HEPHL1: variants seen among roughly 807,000 people sequenced by gnomAD.
HEPHL1 encodes hephaestin like 1, also known as ferroxidase HEPHL1.
Under a neutral mutation model 122.0 loss-of-function variants are expected in HEPHL1, and 123 were observed. That is an observed-to-expected ratio of 1.01 (90% CI 0.87 to 1.17). HEPHL1 has a LOEUF of 1.17. Among genes scored for constraint, HEPHL1 ranks in the 50% most tolerant of loss-of-function variants. The pLI, the probability that HEPHL1 is intolerant of heterozygous loss-of-function variation, is 0.00. For missense variants in HEPHL1, 1,452 were observed against 1,430.5 expected (o/e 1.01, Z -0.24); for synonymous variants, 527 against 508.9 (o/e 1.04, Z -0.48).
chr11:94,087,434 G>A (rs1275866090), intron 11 of HEPHL1, among the ~76,000 whole-genome samples: 1 of 152,096 alleles, frequency 6.6e-6, no homozygotes, highest in Non-Finnish European at 1.5e-5. Context: ...ATCTGTGACT[G>A]CTTAAAAGCT....
chr11:94,033,545 T>C (rs1945694150), intron 1 of HEPHL1, among the ~76,000 whole-genome samples: 1 of 151,770 alleles, frequency 6.6e-6, no homozygotes, highest in African/African-American at 2.4e-5. Flanking sequence ...TCTTCTCTCA[T>C]TGAACTCAAC....
chr11:94,027,734 C>T (rs1001909243), intron 1 of HEPHL1, among the ~76,000 whole-genome samples: 4 of 152,104 alleles, frequency 2.6e-5, no homozygotes, highest in Non-Finnish European at 2.9e-5. Context: ...CCTCATCATG[C>T]CATTTGTTTT....
chr11:94,094,461 A>G (rs975670366), intron 13 of HEPHL1, among the ~76,000 whole-genome samples: 7 of 152,130 alleles, frequency 4.6e-5, no homozygotes, highest in African/African-American at 1.4e-4. Context: ...ATAAACATAC[A>G]TGTGCATGTG....
intron 9 of HEPHL1, among the ~76,000 whole-genome samples, chr11:94,081,121 C>T (rs942432022): frequency 9.9e-5 from 15 of 152,204 alleles, no homozygotes; most frequent in Admixed American, 3.3e-4. Context: ...GCCATAAAAA[C>T]GAATGAGATC....
At chr11:94,079,710 G>A (rs1946153424) in intron 9 of HEPHL1, among the ~76,000 whole-genome samples, 1 of 152,188 alleles carries the variant, frequency 6.6e-6, no homozygotes, top group Non-Finnish European at 1.5e-5. Context: ...AAAGTGCCAG[G>A]AGGAAAGAGT....
intron 1 of HEPHL1, among the ~76,000 whole-genome samples, chr11:94,041,372 A>T (rs1945776937): frequency 1.4e-5 from 2 of 140,744 alleles, no homozygotes; most frequent in Admixed American, 7.1e-5. Flanking sequence ...GGAAAAAACT[A>T]CTTTAAAGTT....
chr11:94,099,891 A>G (rs1417811601), intron 13 of HEPHL1, among the ~76,000 whole-genome samples: 1 of 151,994 alleles, frequency 6.6e-6, no homozygotes, highest in Non-Finnish European at 1.5e-5. Flanking sequence ...GAGTGACCCG[A>G]TTTTCCAGGT....
chr11:94,090,993 T>C (rs1946260387), intron 12 of HEPHL1, among the ~76,000 whole-genome samples: 1 of 152,046 alleles, frequency 6.6e-6, no homozygotes, highest in Non-Finnish European at 1.5e-5. Context: ...TGGGAGGAAA[T>C]TTGAAAACAG....
At chr11:94,093,165 T>C (rs1363995482) in intron 12 of HEPHL1, among the ~76,000 whole-genome samples, 3 of 151,252 alleles carry the variant, frequency 2.0e-5, no homozygotes, top group African/African-American at 7.3e-5. Flanking sequence ...TGTGTAAGGT[T>C]AGATGGTCCC....
chr11:94,070,635 C>A (rs1946067722), intron 6 of HEPHL1, 93 bp downstream of exon 6: 3 of 1,051,764 alleles, frequency 2.9e-6, no homozygotes, highest in Admixed American at 2.2e-5. Flanking sequence ...AACCACTGCT[C>A]TGATGAGCTT....
At chr11:94,097,346 C>G (rs1727984044) in intron 13 of HEPHL1, among the ~76,000 whole-genome samples, 1 of 152,132 alleles carries the variant, frequency 6.6e-6, no homozygotes, top group Non-Finnish European at 1.5e-5. Flanking sequence ...TTCCTTAATC[C>G]TGAGTTCTAG....
At chr11:94,042,762 T>C (rs910553340) in intron 1 of HEPHL1, among the ~76,000 whole-genome samples, 6 of 143,218 alleles carry the variant, frequency 4.2e-5, no homozygotes, top group African/African-American at 1.5e-4. Flanking sequence ...CATTGGGAGA[T>C]ATACCTAATG....
Position 94,073,424 on chromosome 11 carries a change from G to C in HEPHL1, c.1489G>C (p.Ala497Pro). The C allele has an allele frequency of 6.4e-7, 1 of 1,554,566 alleles. No homozygotes were observed. The highest frequency in any genetic ancestry group is 1.4e-5 in the African/African-American group (1 of 73,394). The change falls in exon 8 of 20, where the codon GCC becomes CCC. Residue 497 changes from alanine (A) to proline (P), a missense_variant. Physicochemically the swap from Ala to Pro is conservative, Grantham distance 27. Coordinates refer to ENST00000315765, the MANE Select transcript of HEPHL1 (RefSeq NM_001098672.2). ...GVIYDKASDA[A>P]PNLDGFVKPG... is the part of the protein sequence containing the mutation. Reference sequence around the variant, plus strand: ...GATCTATGACAAGGCATCTGATGCAGCCCCAAACCTAGATGGTAAGTCTCA... The same window carrying C: ...GATCTATGACAAGGCATCTGATGCACCCCCAAACCTAGATGGTAAGTCTCA...
intron 17 of HEPHL1, among the ~76,000 whole-genome samples, chr11:94,109,603 C>T (rs970423530): frequency 2.0e-5 from 3 of 152,134 alleles, no homozygotes; most frequent in Non-Finnish European, 4.4e-5. Context: ...TTGAGATGAT[C>T]AGATGCTTTT....
intron 1 of HEPHL1, 41 bp from the exon 2 acceptor site, chr11:94,045,632 C>A: frequency 6.6e-7 from 1 of 1,520,036 alleles, no homozygotes; most frequent in Non-Finnish European, 8.9e-7. Flanking sequence ...TAGGTCTTCT[C>A]TTTTCATTTC....
At chr11:94,046,309 G>A (rs954252406) in intron 2 of HEPHL1, among the ~76,000 whole-genome samples, 3 of 150,936 alleles carry the variant, frequency 2.0e-5, no homozygotes, top group Non-Finnish European at 4.4e-5. Flanking sequence ...CGTTGGCCAA[G>A]CTGGTCTCAA....
chr11:94,036,505 C>T (rs1323635832), intron 1 of HEPHL1, among the ~76,000 whole-genome samples: 1 of 152,090 alleles, frequency 6.6e-6, no homozygotes. Flanking sequence ...ACTTTTCAGG[C>T]TCCAATGCCA....
intron 1 of HEPHL1, among the ~76,000 whole-genome samples, chr11:94,039,321 A>G (rs1349331703): frequency 1.3e-5 from 2 of 151,832 alleles, no homozygotes; most frequent in Non-Finnish European, 2.9e-5. Flanking sequence ...ACGAGACAGA[A>G]AGTCAACAAG....
intron 2 of HEPHL1, among the ~76,000 whole-genome samples, chr11:94,049,896 C>T (rs953582788): frequency 4.6e-5 from 7 of 152,124 alleles, no homozygotes; most frequent in Admixed American, 2.6e-4. Flanking sequence ...TGATAGCAGT[C>T]GCTTTGCGTT....
Sources: allele counts gnomAD v4.1 joint callset (sites outside exome capture counted in the v4.1 genomes callset), GRCh38; gene constraint gnomAD v4.1.1; transcripts MANE v1.5; gene names NCBI Gene and HGNC (gene_info 2026-07-23, HGNC 2026-07-21).